RPL31: variants seen among roughly 807,000 people sequenced by gnomAD.
RPL31 encodes large ribosomal subunit protein eL31.
For synonymous variants in RPL31, 51 were observed against 55.0 expected (o/e 0.93, Z 0.32); for missense variants, 95 against 164.0 (o/e 0.58, Z 2.30).
chr2:101,003,428 C>T lies in RPL31; in HGVS notation c.107+620C>T, dbSNP rs540351365. Among the ~76,000 whole-genome samples the T allele has an allele frequency of 7.9e-5, 12 of 152,206 alleles. No individual in the cohort carries two copies. The South Asian group carries it at 1.2e-3, about 16-fold the overall frequency. On this transcript the variant is annotated intron_variant, in intron 2 of 4. Transcript: ENST00000264258. ...CCCGAGTAGCTGGGATTACCGGACC[C>T]CGCCACCACACCTGGCCCACCTTGG...
chr2:101,011,041 AAAC>A (rs138955138), downstream of RPL31: 1,782 of 1,607,084 alleles, frequency 1.1e-3, 41 homozygotes, highest in East Asian at 0.038. Flanking sequence ...AAACAAAGGA[AAAC>A]AATATGTGGT....
chr2:101,016,892 T>G (rs371710875), intron 4 of RPL31, among the ~76,000 whole-genome samples: 3 of 147,108 alleles, frequency 2.0e-5, no homozygotes, highest in African/African-American at 5.1e-5. Context: ...CATGGACACA[T>G]GAAGGGGAAC....
chr2:101,006,881 T>G lies in RPL31; in HGVS notation c.*500T>G, dbSNP rs1181181101. On this transcript the variant is annotated 3_prime_UTR_variant, in exon 5 of 5. Coordinates refer to ENST00000264258, the MANE Select transcript of RPL31 (RefSeq NM_000993.5). Reference sequence around the variant, plus strand: ...ATTGATTTTTGGTGAGATAACCAGATTCATATTTTAAGCCTTTTGTAATGG... The same window carrying G: ...ATTGATTTTTGGTGAGATAACCAGAGTCATATTTTAAGCCTTTTGTAATGG... The G allele has an allele frequency of 2.0e-5, 3 of 152,534 alleles. No homozygotes were observed. Among genetic ancestry groups the G allele is most frequent in the African/African-American group, 7.2e-5 (3 of 41,436 alleles). 9.4% of individuals were successfully genotyped at this position (152,534 alleles called of 1,614,324 possible). A position where few individuals can be genotyped will look rare whatever the true frequency, so the allele number is the denominator to read the frequency against.
rs762501880 is a variant in RPL31 at position 101,002,654 on chromosome 2, T to C, written c.1-48T>C. On this transcript the variant is annotated intron_variant, in intron 1 of 4. Coordinates refer to ENST00000264258, the MANE Select transcript of RPL31 (RefSeq NM_000993.5). ...GTGAGGCTGGGAGGGAGGACTTGGC[T>C]TGAGCTTGTTAAACTCTGCTCTGAG... The C allele has an allele frequency of 2.0e-6, 3 of 1,488,296 alleles. No individual in the cohort carries two copies. In the South Asian group the frequency reaches 3.4e-5, roughly 17 times the overall value. 92.2% of individuals were successfully genotyped at this position (1,488,296 alleles called of 1,614,324 possible).
chr2:101,005,824 C>T, intron 3 of RPL31, 135 bp from the exon 4 acceptor site: 1 of 686,146 alleles, frequency 1.5e-6, no homozygotes, highest in Non-Finnish European at 2.5e-6. Flanking sequence ...TTCCAGGGAA[C>T]TGTAAGTTCT....
downstream of RPL31, chr2:101,011,442 G>A: frequency 1.2e-6 from 2 of 1,613,744 alleles, no homozygotes; most frequent in Non-Finnish European, 1.7e-6. Flanking sequence ...AATGAAAAGA[G>A]GTACGTGCCA....
chr2:101,008,848 T>C (rs941140061), downstream of RPL31, among the ~76,000 whole-genome samples: 1 of 152,008 alleles, frequency 6.6e-6, no homozygotes, highest in Non-Finnish European at 1.5e-5. Context: ...ACGTACAGAT[T>C]TATCTGTAGG....
chr2:101,018,833 TCTC>T (rs769244600), intron 4 of RPL31, among the ~76,000 whole-genome samples: 2 of 152,156 alleles, frequency 1.3e-5, no homozygotes, highest in East Asian at 1.9e-4. Flanking sequence ...CCCAGGAAGT[TCTC>T]CTCTGAAAGT....
At chr2:101,003,860 C>A (rs1295118943) in intron 2 of RPL31, among the ~76,000 whole-genome samples, 1 of 152,156 alleles carries the variant, frequency 6.6e-6, no homozygotes, top group Non-Finnish European at 1.5e-5. Context: ...TATGCATCTT[C>A]TTGTCCTAAG....
At chr2:101,015,384 AAC>A (rs986922345) in intron 4 of RPL31, among the ~76,000 whole-genome samples, 1 of 152,192 alleles carries the variant, frequency 6.6e-6, no homozygotes, top group African/African-American at 2.4e-5. Context: ...AGACTTTATA[AAC>A]ACTTAACTGT....
At chr2:101,019,014 T>A (rs1304717735) in exon 5 of RPL31, 1 of 1,612,472 alleles carries the variant, frequency 6.2e-7, no homozygotes, top group African/African-American at 1.3e-5. Flanking sequence ...TGCTAAACAG[T>A]GTTACAGTCG....
chr2:101,002,912 T>A (rs1195556916), intron 2 of RPL31, 104 bp downstream of exon 2: 10 of 819,778 alleles, frequency 1.2e-5, no homozygotes, highest in Non-Finnish European at 2.0e-6. Context: ...CTTGTGGCCT[T>A]CCCTGTTTCA....
chr2:101,012,444 G>A (rs1050476506), intron 4 of RPL31, among the ~76,000 whole-genome samples: 1 of 152,208 alleles, frequency 6.6e-6, no homozygotes, highest in Non-Finnish European at 1.5e-5. Flanking sequence ...AGTCGAACAT[G>A]ATACAGCAAC....
At chr2:101,016,722 C>T (rs960286860) in intron 4 of RPL31, among the ~76,000 whole-genome samples, 5 of 152,186 alleles carry the variant, frequency 3.3e-5, no homozygotes, top group African/African-American at 1.2e-4. Context: ...GACACATATA[C>T]ACCATGGAAT....
At chr2:101,009,313 G>A (rs1678998712), downstream of RPL31, among the ~76,000 whole-genome samples, 1 of 151,934 alleles carries the variant, frequency 6.6e-6, no homozygotes, top group South Asian at 2.1e-4. Flanking sequence ...AGCTGAGGCA[G>A]GAGAATGGCA....
chr2:101,008,295 G>C (rs766337418), downstream of RPL31: 31 of 1,495,202 alleles, frequency 2.1e-5, no homozygotes, highest in Non-Finnish European at 2.7e-5. Flanking sequence ...ATAAGTCTTA[G>C]GTAGCAGCAG....
chr2:101,006,462 A>G lies in RPL31; in HGVS notation c.*81A>G, dbSNP rs1310141308. On this transcript the variant is annotated 3_prime_UTR_variant, in exon 5 of 5. Coordinates refer to ENST00000264258, the MANE Select transcript of RPL31 (RefSeq NM_000993.5). ...TTTAGTTGCAACATAATGTACTTGT[A>G]TACCCTATCCTAATTATGGGATCAT... 6 of 1,318,300 alleles carry G rather than the reference A, an allele frequency of 4.6e-6. No individual in the cohort carries two copies. Among genetic ancestry groups the G allele is most frequent in the Non-Finnish European group, 6.3e-6 (6 of 946,228 alleles). 81.7% of individuals were successfully genotyped at this position (1,318,300 alleles called of 1,614,324 possible). A position where few individuals can be genotyped will look rare whatever the true frequency, so the allele number is the denominator to read the frequency against.
intron 2 of RPL31, 60 bp downstream of exon 2, chr2:101,002,868 A>C: frequency 8.1e-7 from 1 of 1,233,140 alleles, no homozygotes; most frequent in East Asian, 2.3e-5. Flanking sequence ...TTACCGAGAG[A>C]TGTGCCGAAT....
chr2:101,004,019 T>C, intron 2 of RPL31, 139 bp from the exon 3 acceptor site: 2 of 863,548 alleles, frequency 2.3e-6, no homozygotes, highest in South Asian at 1.8e-5. Context: ...TACTGTATGC[T>C]GTAAAAACTT....
Sources: gnomAD v4.1 joint callset for allele counts (sites outside exome capture counted in the v4.1 genomes callset) on GRCh38, gnomAD v4.1.1 for gene constraint, MANE v1.5 for transcripts, NCBI Gene and HGNC (gene_info 2026-07-23, HGNC 2026-07-21) for gene names.